NINJ2: variants seen among roughly 807,000 people sequenced by gnomAD.
NINJ2 encodes ninjurin 2.
In NINJ2, 12 loss-of-function variants were observed where a neutral mutation model predicts 11.7. The ratio of observed to expected loss-of-function variants is 1.02; its 90% CI spans 0.66 to 1.66. The LOEUF (loss-of-function observed/expected upper bound fraction) is 1.66. NINJ2 is among the 40% of genes most tolerant of loss of function. The probability of loss-of-function intolerance (pLI) is 0.00; values close to 1 mark genes in which losing one functional copy is unlikely to be tolerated. For synonymous variants in NINJ2, 93 were observed against 76.8 expected, an observed-to-expected ratio of 1.21 and a Z score of -1.10; for missense variants, 187 against 181.8, an observed-to-expected ratio of 1.03 and a Z score of -0.16.
chr12:663,372 C>G lies in NINJ2; in HGVS notation c.-12G>C. The G allele has an allele frequency of 6.2e-7, 1 of 1,614,220 alleles. No homozygotes were observed. On this transcript the variant is annotated 5_prime_UTR_variant, in exon 1 of 4. Coordinates refer to ENST00000305108, the MANE Select transcript of NINJ2 (RefSeq NM_016533.6). ...CTTGCTGATTCCATCTCGCTGCCCT[C>G]AAGTCCCTTCACACGCACCGGGTGC...
chr12:649,067 T>C (rs79329707), intron 1 of NINJ2, among the ~76,000 whole-genome samples: 7 of 151,532 alleles, frequency 4.6e-5, no homozygotes, highest in South Asian at 2.1e-4. Flanking sequence ...TTTTTTTTTT[T>C]CGAGACGGAG....
At chr12:601,354 G>A (rs897144201) in intron 1 of NINJ2, among the ~76,000 whole-genome samples, 17 of 149,342 alleles carry the variant, frequency 1.1e-4, no homozygotes, top group Non-Finnish European at 2.4e-4. Context: ...AGACCATCCT[G>A]GCTAACACAG....
At chr12:566,713 G>T (rs189658931) in intron 1 of NINJ2, among the ~76,000 whole-genome samples, 1 of 152,198 alleles carries the variant, frequency 6.6e-6, no homozygotes. Flanking sequence ...TGGAGCTGCC[G>T]CCCTGCTCAG....
intron 1 of NINJ2, among the ~76,000 whole-genome samples, chr12:655,208 A>C (rs1237718268): frequency 6.6e-6 from 1 of 152,232 alleles, no homozygotes; most frequent in Non-Finnish European, 1.5e-5. Flanking sequence ...ATTTGCATTC[A>C]GTATGAACAA....
At chr12:638,569 C>T (rs75805330) in intron 1 of NINJ2, among the ~76,000 whole-genome samples, 1 of 152,224 alleles carries the variant, frequency 6.6e-6, no homozygotes, top group Non-Finnish European at 1.5e-5. Context: ...GCGCCCGCCA[C>T]CACGCCTGGC....
intron 1 of NINJ2, among the ~76,000 whole-genome samples, chr12:625,102 C>CAA (rs200290771): frequency 0.061 from 5,722 of 93,362 alleles, 397 homozygotes; most frequent in African/African-American, 0.19. Flanking sequence ...GACTTCATCT[C>CAA]AAAAAAAAAA....
At chr12:625,623 G>A (rs1018671483) in intron 1 of NINJ2, among the ~76,000 whole-genome samples, 23 of 152,072 alleles carry the variant, frequency 1.5e-4, no homozygotes, top group African/African-American at 4.8e-4. Flanking sequence ...CTTGGCCTCC[G>A]TTCTCTATGG....
intron 1 of NINJ2, among the ~76,000 whole-genome samples, chr12:655,517 A>G (rs1488002678): frequency 6.6e-6 from 1 of 152,266 alleles, no homozygotes; most frequent in Non-Finnish European, 1.5e-5. Flanking sequence ...CATTTACATT[A>G]GCACCTAAAA....
intron 1 of NINJ2, among the ~76,000 whole-genome samples, chr12:568,876 ACCCCCCCCC>A (rs5795931): frequency 3.5e-5 from 4 of 112,768 alleles, no homozygotes; most frequent in African/African-American, 1.5e-4. Flanking sequence ...CTGTGAGGAC[ACCCCCCCCC>A]CCCCGCCCCC....
intron 1 of NINJ2, among the ~76,000 whole-genome samples, chr12:590,151 C>T (rs1360046833): frequency 6.6e-6 from 1 of 152,194 alleles, no homozygotes; most frequent in African/African-American, 2.4e-5. Flanking sequence ...ATTGCACAGG[C>T]TGGTCTGGAA....
intron 1 of NINJ2, among the ~76,000 whole-genome samples, chr12:613,665 G>A (rs2120356060): frequency 6.6e-6 from 1 of 152,230 alleles, no homozygotes; most frequent in Non-Finnish European, 1.5e-5. Flanking sequence ...CAGCACTTTG[G>A]GAGGCTGAGG....
chr12:595,031 A>G (rs114008400), intron 1 of NINJ2, among the ~76,000 whole-genome samples: 4,095 of 152,342 alleles, frequency 0.027, 188 homozygotes, highest in African/African-American at 0.092. Context: ...ATAGACCCAC[A>G]TAAATAGAGT....
chr12:640,745 A>T lies in NINJ2; in HGVS notation c.33+22583T>A, dbSNP rs907586608. 6.5e-6 allele frequency: 1 copy of T among 152,878 alleles called. No homozygotes were observed. Among genetic ancestry groups the T allele is most frequent in the African/African-American group, 2.4e-5 (1 of 41,302 alleles). The allele number at this position is 152,878 out of a possible 1,614,324, so 9.5% of individuals were successfully genotyped here. A position where few individuals can be genotyped will look rare whatever the true frequency, so the allele number is the denominator to read the frequency against. On this transcript the variant is annotated intron_variant, in intron 1 of 3. Coordinates refer to ENST00000305108, the MANE Select transcript of NINJ2 (RefSeq NM_016533.6). This position sits in a 1 kb window ranked among gnomAD's most constrained non-coding sequence, Gnocchi z 4.0. ...ACTCCTGGCCTCAAGTGATCTACCC[A>T]CCTCGGCCTCCCAAAGTGCTGGGAT...
chr12:569,943 C>T (rs1005260084), intron 1 of NINJ2, among the ~76,000 whole-genome samples: 1 of 152,130 alleles, frequency 6.6e-6, no homozygotes, highest in Non-Finnish European at 1.5e-5. Context: ...CGCGCGCGGT[C>T]CAGAGACGTG....
intron 1 of NINJ2, among the ~76,000 whole-genome samples, chr12:611,547 A>G (rs1437304904): frequency 6.6e-6 from 1 of 152,246 alleles, no homozygotes; most frequent in Non-Finnish European, 1.5e-5. Flanking sequence ...CATGTTGGCC[A>G]GGCTGGTCTC....
At chr12:586,689 C>G (rs1947643331) in intron 1 of NINJ2, among the ~76,000 whole-genome samples, 1 of 152,254 alleles carries the variant, frequency 6.6e-6, no homozygotes, top group African/African-American at 2.4e-5. Flanking sequence ...GGGCAAGGGA[C>G]CTCTCCAAGG....
intron 2 of NINJ2, 54 bp from the exon 3 acceptor site, chr12:565,455 G>C: frequency 6.4e-7 from 1 of 1,566,268 alleles, no homozygotes; most frequent in Non-Finnish European, 8.7e-7. Flanking sequence ...ACAGCACGGA[G>C]CTGCCCCCAC....
At chr12:569,243 G>A (rs1301944648) in intron 1 of NINJ2, among the ~76,000 whole-genome samples, 1 of 152,208 alleles carries the variant, frequency 6.6e-6, no homozygotes, top group Non-Finnish European at 1.5e-5. Context: ...GGTTGGTTAG[G>A]GCCAGGGATC....
intron 1 of NINJ2, among the ~76,000 whole-genome samples, chr12:573,045 A>T: frequency 8.4e-6 from 1 of 118,472 alleles, no homozygotes. Context: ...TTTTTTTTTG[A>T]GACAGAGTCT....
Sources: allele counts gnomAD v4.1 joint callset (sites outside exome capture counted in the v4.1 genomes callset), GRCh38; gene constraint gnomAD v4.1.1; non-coding constraint Gnocchi (gnomAD v3.1); transcripts MANE v1.5; gene names NCBI Gene and HGNC (gene_info 2026-07-23, HGNC 2026-07-21).